The following ADAMTSL1 variants were observed in gnomAD, a reference collection of about 807,000 sequenced individuals.
ADAMTSL1 encodes the protein ADAMTS-like protein 1.
Under a neutral mutation model 201.8 loss-of-function variants are expected in ADAMTSL1, and 126 were observed. The ratio of observed to expected loss-of-function variants is 0.62; its 90% confidence interval spans 0.54 to 0.72. ADAMTSL1 has a LOEUF of 0.72. Among genes scored for constraint, ADAMTSL1 ranks in the 30% least tolerant of loss-of-function variants. The pLI is 0.00. For missense variants in ADAMTSL1, 2,679 were observed against 2,277.8 expected, an observed-to-expected ratio of 1.18 and a Z score of -3.59; for synonymous variants, 1,121 against 903.4, an observed-to-expected ratio of 1.24 and a Z score of -4.32.
intron 1 of ADAMTSL1, among the ~76,000 whole-genome samples, chr9:17,966,458 G>A (rs1017953550): frequency 6.6e-6 from 1 of 152,086 alleles, no homozygotes; most frequent in Non-Finnish European, 1.5e-5. Flanking sequence ...TCCGATCACA[G>A]ACCCTCCCTT....
rs746918240 is a variant in ADAMTSL1 at position 18,681,920 on chromosome 9, G to A, written c.1450G>A (p.Glu484Lys). ...CSPKTKPHIK[E>K]ECIVPTPCYK... ...CCCAAAAACAAAGCCCCACATAAAA[G>A]AGGAATGCATCGTACCCACTCCCTG... The change falls in exon 12 of 29, where the codon GAG becomes AAG. Residue 484 changes from glutamate (E) to lysine (K), a missense_variant. Coordinates refer to ENST00000380548, the MANE Select transcript of ADAMTSL1 (RefSeq NM_001040272.6). 1.2e-6 allele frequency: 2 copies of A among 1,614,118 alleles called. No individual in the cohort carries two copies. The highest frequency in any genetic ancestry group is 1.1e-5 in the South Asian group (1 of 91,076).
At chr9:18,448,188 G>T (rs915260788) in intron 2 of ADAMTSL1, among the ~76,000 whole-genome samples, 6 of 152,242 alleles carry the variant, frequency 3.9e-5, no homozygotes, top group African/African-American at 1.4e-4. Flanking sequence ...GTTCTTTTAT[G>T]ATGATTTTGT....
chr9:18,683,547 AT>A (rs1830649867), intron 12 of ADAMTSL1, among the ~76,000 whole-genome samples: 3 of 152,192 alleles, frequency 2.0e-5, no homozygotes, highest in Admixed American at 1.3e-4. Flanking sequence ...ATTTACTGGG[AT>A]AGTTGGAGTA....
At chr9:18,257,815 A>G (rs2132520014) in intron 2 of ADAMTSL1, among the ~76,000 whole-genome samples, 1 of 152,360 alleles carries the variant, frequency 6.6e-6, no homozygotes, top group East Asian at 1.9e-4. Flanking sequence ...ATAAAAAGAA[A>G]TGATTCTGAT....
chr9:18,379,052 T>A (rs1265725884), intron 2 of ADAMTSL1, among the ~76,000 whole-genome samples: 1 of 152,138 alleles, frequency 6.6e-6, no homozygotes, highest in East Asian at 1.9e-4. Context: ...GAGCCTCTAC[T>A]TTTTTCTGTA....
At chr9:17,979,334 A>G (rs1191879965) in intron 1 of ADAMTSL1, among the ~76,000 whole-genome samples, 2 of 151,994 alleles carry the variant, frequency 1.3e-5, no homozygotes, top group Non-Finnish European at 2.9e-5. Context: ...TACCTTATAA[A>G]TTCCACAGGC....
chr9:18,214,649 G>A (rs180693455), intron 2 of ADAMTSL1, among the ~76,000 whole-genome samples: 1 of 152,250 alleles, frequency 6.6e-6, no homozygotes, highest in African/African-American at 2.4e-5. Context: ...TGTATCCATG[G>A]TCATTTAATG....
chr9:18,195,589 C>T (rs1829143506), intron 2 of ADAMTSL1, among the ~76,000 whole-genome samples: 1 of 152,126 alleles, frequency 6.6e-6, no homozygotes, highest in African/African-American at 2.4e-5. Context: ...AGTAATGATA[C>T]ATTTGCAAGG....
intron 2 of ADAMTSL1, among the ~76,000 whole-genome samples, chr9:18,331,061 G>A (rs1835008810): frequency 6.6e-6 from 1 of 151,900 alleles, no homozygotes; most frequent in South Asian, 2.1e-4. Context: ...TTGGTGGAGG[G>A]TGCTCACAAA....
chr9:18,575,112 A>G (rs1454930872), intron 4 of ADAMTSL1, among the ~76,000 whole-genome samples: 2 of 152,186 alleles, frequency 1.3e-5, no homozygotes, highest in Admixed American at 6.6e-5. Flanking sequence ...TTCAGAATGT[A>G]TAATATCACG....
At chr9:18,629,759 A>G (rs948676894) in intron 5 of ADAMTSL1, among the ~76,000 whole-genome samples, 2 of 152,152 alleles carry the variant, frequency 1.3e-5, no homozygotes, top group African/African-American at 4.8e-5. Flanking sequence ...AACGATGAGT[A>G]GAGAAGTAAT....
At chr9:18,182,456 A>G (rs987777550) in intron 2 of ADAMTSL1, among the ~76,000 whole-genome samples, 5 of 152,184 alleles carry the variant, frequency 3.3e-5, no homozygotes, top group Admixed American at 3.3e-4. Context: ...CAAAAACTTT[A>G]TTCTCTAGAA....
intron 2 of ADAMTSL1, among the ~76,000 whole-genome samples, chr9:18,317,301 C>A (rs1834440655): frequency 6.6e-6 from 1 of 151,932 alleles, no homozygotes; most frequent in South Asian, 2.1e-4. Flanking sequence ...TCAACAAGTT[C>A]TGGGGGTCGA....
Position 17,917,150 on chromosome 9 carries a change from A to G in ADAMTSL1, c.87+10228A>G, listed in dbSNP as rs370889383. Reference sequence around the variant, plus strand: ...TCATTAGCTGTAGTTGTTGTGTGCAACAATATGTAGTATATTCCATCAGAT... The same window carrying G: ...TCATTAGCTGTAGTTGTTGTGTGCAGCAATATGTAGTATATTCCATCAGAT... On this transcript the variant is annotated intron_variant, in intron 1 of 29. Coordinates refer to the ADAMTSL1 transcript ENST00000680146. Among the ~76,000 whole-genome samples, 15 of 152,138 alleles carry G rather than the reference A, an allele frequency of 9.9e-5. No homozygotes were observed. The East Asian group carries it at 2.7e-3, about 27-fold the overall frequency.
At chr9:18,722,796 C>G (rs1833472470) in intron 15 of ADAMTSL1, among the ~76,000 whole-genome samples, 1 of 152,182 alleles carries the variant, frequency 6.6e-6, no homozygotes, top group South Asian at 2.1e-4. Flanking sequence ...ATCAGTCAGC[C>G]ACTGCTTTGG....
chr9:17,918,065 G>T (rs934935259), intron 1 of ADAMTSL1, among the ~76,000 whole-genome samples: 1 of 151,762 alleles, frequency 6.6e-6, no homozygotes, highest in Non-Finnish European at 1.5e-5. Flanking sequence ...TGATCAATCT[G>T]CTTCATAGCT....
At chr9:18,256,675 C>T (rs149124978) in intron 2 of ADAMTSL1, among the ~76,000 whole-genome samples, 2,296 of 152,248 alleles carry the variant, frequency 0.015, 36 homozygotes, top group African/African-American at 0.04. Context: ...AATTCTGGAA[C>T]CTACTAGCCT....
chr9:18,301,825 T>C (rs1376945473), intron 2 of ADAMTSL1, among the ~76,000 whole-genome samples: 1 of 152,208 alleles, frequency 6.6e-6, no homozygotes, highest in Non-Finnish European at 1.5e-5. Context: ...CAGAGTCTGT[T>C]GTCTTTATTT....
At chr9:18,797,405 A>C (rs997609936) in intron 20 of ADAMTSL1, among the ~76,000 whole-genome samples, 1 of 152,224 alleles carries the variant, frequency 6.6e-6, no homozygotes, top group Non-Finnish European at 1.5e-5. Context: ...TGTTGTGAGC[A>C]CACCCTCTGC....
Sources: gnomAD v4.1 joint callset for allele counts (sites outside exome capture counted in the v4.1 genomes callset) on GRCh38, gnomAD v4.1.1 for gene constraint, MANE v1.5 for transcripts, NCBI Gene and HGNC (gene_info 2026-07-23, HGNC 2026-07-21) for gene names.